The following CCNH variants were observed in gnomAD, a reference collection of about 807,000 sequenced individuals.
CCNH encodes cyclin H, also known as cyclin-H.
A neutral mutation model predicts 41.9 loss-of-function variants in CCNH; 31 were observed. The ratio of observed to expected loss-of-function variants is 0.74; its 90% confidence interval spans 0.56 to 1.00. The LOEUF is 1.00. Among genes scored for constraint, CCNH ranks in the 50% least tolerant of loss-of-function variants. CCNH has a pLI of 0.00. For synonymous variants in CCNH, 138 were observed against 136.1 expected, an observed-to-expected ratio of 1.01 and a Z score of -0.10; for missense variants, 362 against 388.4, an observed-to-expected ratio of 0.93 and a Z score of 0.57.
chr5:87,389,502 T>G (rs745472372), downstream of CCNH: 5 of 1,614,100 alleles, frequency 3.1e-6, no homozygotes, highest in Non-Finnish European at 4.2e-6. Flanking sequence ...CTTCGAACGC[T>G]CAGTAATGAG....
intron 5 of CCNH, among the ~76,000 whole-genome samples, chr5:87,404,024 G>A (rs547473617): frequency 6.6e-6 from 1 of 152,272 alleles, no homozygotes; most frequent in African/African-American, 2.4e-5. Flanking sequence ...GGTGAGCTGC[G>A]TTTGCAGAGA....
intron 9 of CCNH, among the ~76,000 whole-genome samples, chr5:87,358,954 CT>C (rs60356896): frequency 0.42 from 63,644 of 151,980 alleles, 13,313 homozygotes; most frequent in East Asian, 0.49. Flanking sequence ...GCAAATGACA[CT>C]TTACCTAGAC....
intron 5 of CCNH, among the ~76,000 whole-genome samples, chr5:87,402,867 T>C (rs1763516326): frequency 6.6e-6 from 1 of 152,216 alleles, no homozygotes; most frequent in Non-Finnish European, 1.5e-5. Flanking sequence ...GGTCATAGGT[T>C]TGGTGCTAAG....
At chr5:87,375,713 A>G (rs1266734467), downstream of CCNH, among the ~76,000 whole-genome samples, 1 of 152,186 alleles carries the variant, frequency 6.6e-6, no homozygotes, top group African/African-American at 2.4e-5. Context: ...CTGCTAAAAC[A>G]GTTGACAGTG....
chr5:87,335,384 T>C (rs967405783), intron 9 of CCNH, among the ~76,000 whole-genome samples: 3 of 152,074 alleles, frequency 2.0e-5, no homozygotes, highest in African/African-American at 4.8e-5. Context: ...ATAATGACTT[T>C]TCTGATGAGA....
chr5:87,321,335 A>G (rs1756788631), intron 9 of CCNH, among the ~76,000 whole-genome samples: 1 of 152,250 alleles, frequency 6.6e-6, no homozygotes, highest in South Asian at 2.1e-4. Flanking sequence ...TCAGTTCTAC[A>G]GTGAACACCA....
chr5:87,376,654 A>C, exon 1 of CCNH: 7 of 1,470,122 alleles, frequency 4.8e-6, no homozygotes, highest in Non-Finnish European at 6.6e-6. Flanking sequence ...AAACATAGTA[A>C]TTCATAGCTT....
downstream of CCNH, chr5:87,391,097 C>T: frequency 4.8e-6 from 3 of 629,836 alleles, no homozygotes; most frequent in Non-Finnish European, 8.5e-6. Context: ...ACTATTTCCA[C>T]ATGGAATCAA....
intron 9 of CCNH, chr5:87,383,673 T>C: frequency 6.9e-7 from 1 of 1,453,918 alleles, no homozygotes; most frequent in Non-Finnish European, 9.5e-7. Flanking sequence ...TATATAGGTG[T>C]TTTCTAAAAA....
rs781642519 is a variant in CCNH at position 87,409,382 on chromosome 5, A to C, written c.241-19T>G. ...CCGTACCCTAAGGGTTAAAAAAAAT[A>C]TATCATCAGGATCTAGTCACAAATG... On this transcript the variant is annotated intron_variant, in intron 2 of 8. Coordinates refer to ENST00000256897, the MANE Select transcript of CCNH (RefSeq NM_001239.4). 7 of 1,334,298 alleles carry C rather than the reference A, an allele frequency of 5.2e-6. No individual in the cohort carries two copies. The highest frequency in any genetic ancestry group is 2.0e-4 in the Middle Eastern group (1 of 5,054). 82.7% of individuals were successfully genotyped at this position (1,334,298 alleles called of 1,614,324 possible).
intron 9 of CCNH, among the ~76,000 whole-genome samples, chr5:87,347,193 G>A (rs1758928657): frequency 6.6e-6 from 1 of 151,872 alleles, no homozygotes; most frequent in Admixed American, 6.6e-5. Context: ...TCAGTAGAAC[G>A]ATATTGTATT....
intron 9 of CCNH, among the ~76,000 whole-genome samples, chr5:87,342,883 G>C (rs138318520): frequency 6.6e-6 from 1 of 152,102 alleles, no homozygotes; most frequent in Non-Finnish European, 1.5e-5. Context: ...AAAAATATAG[G>C]TTAAATGCTA....
intron 9 of CCNH, among the ~76,000 whole-genome samples, chr5:87,322,433 A>G (rs939774195): frequency 6.6e-6 from 1 of 152,184 alleles, no homozygotes; most frequent in African/African-American, 2.4e-5. Context: ...TCATCCTGAA[A>G]TCATCTTCCC....
In CCNH at chr5:87,358,080, C is replaced by T. The variant is rs149508440; in HGVS notation, c.*90+34690G>A. Among the ~76,000 whole-genome samples the T allele has an allele frequency of 2.8e-3, 421 of 152,176 alleles. 5 individuals carry two copies. Among genetic ancestry groups the T allele is most frequent in the East Asian group, 8.7e-3 (45 of 5,170 alleles). ...AAAGCAATACTATCTTTTTACTAAT[C>T]GCCAAATTGATTAGTTAGCAAATCA... On this transcript the variant is annotated intron_variant and NMD_transcript_variant, in intron 9 of 9. Coordinates refer to the CCNH transcript ENST00000645953.
At chr5:87,370,002 A>G in intron 9 of CCNH, 1 of 997,544 alleles carries the variant, frequency 1.0e-6, no homozygotes, top group Non-Finnish European at 1.5e-6. Context: ...AAGTGACAGA[A>G]CGCCTGAAAT....
chr5:87,387,790 T>G (rs1486886895), downstream of CCNH, among the ~76,000 whole-genome samples: 1 of 152,170 alleles, frequency 6.6e-6, no homozygotes, highest in Non-Finnish European at 1.5e-5. Flanking sequence ...ATATTTATAG[T>G]GAAATTTATA....
intron 9 of CCNH, among the ~76,000 whole-genome samples, chr5:87,369,129 T>C (rs898329519): frequency 6.6e-6 from 1 of 152,176 alleles, no homozygotes; most frequent in African/African-American, 2.4e-5. Context: ...AGAAGTAACA[T>C]TTATTGAGTT....
At position 87,411,277 on chromosome 5, in the gene CCNH, T is replaced by C. The variant is rs1423751655; in HGVS notation, c.187A>G (p.Arg63Gly). 2 of 1,612,530 alleles carry C rather than the reference T, an allele frequency of 1.2e-6. No individual in the cohort carries two copies. Among genetic ancestry groups the C allele is most frequent in the South Asian group, 2.2e-5 (2 of 90,758 alleles). ...EMTLCKYYEK[R>G]LLEFCSVFKP... ...AACACCGAACAGAATTCCAATAACC[T>C]TTTCTCATAGTATTTGCAGAGTGTC... Residue 63 changes from arginine to glycine, a missense_variant, in exon 2 of 9, where the codon AGG becomes GGG. Physicochemically the swap from Arg to Gly is moderately radical, Grantham distance 125. Transcript: ENST00000256897.
chr5:87,392,372 G>A (rs982748324), downstream of CCNH: 5 of 455,406 alleles, frequency 1.1e-5, no homozygotes, highest in Non-Finnish European at 1.8e-5. Flanking sequence ...TTCAATCACC[G>A]TTTAACACTG....
Sources: allele counts gnomAD v4.1 joint callset (sites outside exome capture counted in the v4.1 genomes callset), GRCh38; gene constraint gnomAD v4.1.1; transcripts MANE v1.5; gene names NCBI Gene and HGNC (gene_info 2026-07-23, HGNC 2026-07-21).